FRY: variants seen among roughly 807,000 people sequenced by gnomAD.
FRY encodes protein furry homolog.
FRY carries 128 observed loss-of-function variants against 348.4 expected under a neutral mutation model. The observed-to-expected ratio is 0.37, with a 90% CI of 0.32 to 0.43. The LOEUF (loss-of-function observed/expected upper bound fraction) is 0.43, where lower values mean the gene tolerates loss of function less well. Among genes scored for constraint, FRY ranks in the 20% least tolerant of loss-of-function variants. The probability of loss-of-function intolerance (pLI) is 1.00; values close to 1 mark genes in which losing one functional copy is unlikely to be tolerated. For missense variants in FRY, 2,736 were observed against 3,695.2 expected, an observed-to-expected ratio of 0.74 and a Z score of 6.73; for synonymous variants, 1,370 against 1,374.7, an observed-to-expected ratio of 1.00 and a Z score of 0.08.
chr13:32,093,006 T>C (rs1876430077), intron 2 of FRY, among the ~76,000 whole-genome samples: 1 of 152,198 alleles, frequency 6.6e-6, no homozygotes, highest in South Asian at 2.1e-4. Flanking sequence ...TTCTAAAGAA[T>C]TTAAAACGTA....
chr13:32,218,847 C>T lies in FRY; in HGVS notation c.4765+16C>T, dbSNP rs1412787258. ...GAAGATAAAAGTAAGTACCAACAGG[C>T]TGTGGGCTTTCAGACGGAACGCAAG... On this transcript the variant is annotated intron_variant, in intron 36 of 60. Transcript: ENST00000542859. 3 of 1,463,420 alleles carry T rather than the reference C, an allele frequency of 2.0e-6. No individual in the cohort carries two copies. Among genetic ancestry groups the T allele is most frequent in the South Asian group, 2.3e-5 (2 of 88,144 alleles). The allele number at this position is 1,463,420 out of a possible 1,614,324, so 90.7% of individuals were successfully genotyped here.
intron 28 of FRY, among the ~76,000 whole-genome samples, chr13:32,187,998 G>C (rs1404157614): frequency 7.2e-5 from 11 of 152,032 alleles, no homozygotes; most frequent in Admixed American, 7.2e-4. Context: ...CCAGTGAGTT[G>C]AAGAATAAAT....
intron 36 of FRY, among the ~76,000 whole-genome samples, chr13:32,220,599 C>T (rs987330075): frequency 6.6e-6 from 1 of 152,198 alleles, no homozygotes; most frequent in Non-Finnish European, 1.5e-5. Context: ...CAAGAAAAGT[C>T]TGGTTACTGT....
intron 58 of FRY, among the ~76,000 whole-genome samples, chr13:32,279,277 A>T (rs1888700219): frequency 6.6e-6 from 1 of 152,220 alleles, no homozygotes; most frequent in Admixed American, 6.5e-5. Context: ...TTCTCCATGG[A>T]AGTAGCATCT....
chr13:32,101,459 A>C (rs1190978174), intron 2 of FRY, among the ~76,000 whole-genome samples: 19 of 152,170 alleles, frequency 1.2e-4, no homozygotes. Context: ...CAAGATACTG[A>C]TTTCATTTTC....
At position 32,180,582 on chromosome 13, in the gene FRY, T is replaced by G. The variant is rs1882647886; in HGVS notation, c.2996+783T>G. 2.0e-5 allele frequency among the ~76,000 whole-genome samples: 3 copies of G among 152,178 alleles called. 1 individual carries two copies. In the South Asian group the frequency reaches 6.2e-4, roughly 31 times the overall value. ...CTTTCTTTGCCTTAATGTAACCATA[T>G]ACCTGCTTTCTGGATTCCTTATTTA... On this transcript the variant is annotated intron_variant, in intron 23 of 60. Coordinates refer to ENST00000542859, the MANE Select transcript of FRY (RefSeq NM_023037.3).
chr13:32,080,299 A>G (rs1221362044), intron 2 of FRY, among the ~76,000 whole-genome samples: 5 of 152,176 alleles, frequency 3.3e-5, no homozygotes, highest in African/African-American at 1.2e-4. Context: ...ACTACTAATA[A>G]TAGCTGATAT....
intron 7 of FRY, among the ~76,000 whole-genome samples, chr13:32,127,291 A>G (rs1220936970): frequency 6.6e-6 from 1 of 152,222 alleles, no homozygotes; most frequent in Non-Finnish European, 1.5e-5. Flanking sequence ...TGTGAATTTT[A>G]TAGTATACCA....
intron 58 of FRY, among the ~76,000 whole-genome samples, chr13:32,286,747 CAAAAAAAAAAAAAAAAAAAAAA>C (rs6144991): frequency 2.3e-4 from 18 of 77,514 alleles, no homozygotes; most frequent in African/African-American, 9.8e-4. Flanking sequence ...GACTCTGTCT[CAAAAAAAAAAAAAAAAAAAAAA>C]AAAAAAAAAA....
rs377058192 is a variant in FRY, at chr13:32,187,527, G to C, written c.3481-19G>C. 4.9e-6 allele frequency: 7 copies of C among 1,415,482 alleles called. No individual in the cohort carries two copies. Among genetic ancestry groups the C allele is most frequent in the Non-Finnish European group, 7.0e-6 (7 of 998,546 alleles). The allele number at this position is 1,415,482 out of a possible 1,614,324, so 87.7% of individuals were successfully genotyped here. On this transcript the variant is annotated intron_variant, in intron 27 of 60. Transcript: ENST00000542859. ...ATTCCAAGTTTCATTTCCATGTCTT[G>C]TTGTGTTTTTATCATCAGGCAATGT...
chr13:32,229,835 A>T (rs778979374), intron 40 of FRY, among the ~76,000 whole-genome samples: 4 of 152,220 alleles, frequency 2.6e-5, no homozygotes, highest in Non-Finnish European at 5.9e-5. Flanking sequence ...CTAAATCTTT[A>T]TTTCACTTAA....
intron 3 of FRY, among the ~76,000 whole-genome samples, chr13:32,115,986 AT>A (rs1433552747): frequency 5.9e-5 from 9 of 151,966 alleles, no homozygotes; most frequent in African/African-American, 2.2e-4. Flanking sequence ...ATATTTTTAT[AT>A]TTATATTAAA....
chr13:32,080,618 G>C (rs1875414551), intron 2 of FRY, among the ~76,000 whole-genome samples: 1 of 152,176 alleles, frequency 6.6e-6, no homozygotes, highest in Non-Finnish European at 1.5e-5. Context: ...TGTAACTTGA[G>C]TCAGCCACCT....
chr13:32,291,873 A>G (rs1889384447), intron 59 of FRY: 2 of 356,166 alleles, frequency 5.6e-6, no homozygotes, highest in Admixed American at 5.9e-5. Flanking sequence ...AACTAGAATT[A>G]GAAGTAGAAC....
chr13:32,118,050 C>G (rs1015974242), intron 4 of FRY, among the ~76,000 whole-genome samples: 5 of 152,100 alleles, frequency 3.3e-5, no homozygotes, highest in Non-Finnish European at 5.9e-5. Context: ...ATTCTCTGTT[C>G]CCTTCTTCCT....
chr13:32,237,601 A>T lies in FRY; in HGVS notation c.6033A>T (p.Gln2011His). ...TGGACAGAATTCAGGCTTGTACCCAACAAGGCCTCTCCTCAAAAACCAGAA... is the reference window on the plus strand; with the variant it reads ...TGGACAGAATTCAGGCTTGTACCCATCAAGGCCTCTCCTCAAAAACCAGAA... The part of the protein sequence containing the change: ...ATLDRIQACT[Q>H]QGLSSKTRSS... Residue 2011 changes from glutamine to histidine, a missense_variant, in exon 44 of 61, where the codon CAA (glutamine) becomes CAT (histidine). Transcript: ENST00000542859. This position sits in a 1 kb window ranked among gnomAD's most constrained non-coding sequence, Gnocchi z 6.3. 6.2e-7 allele frequency: 1 copy of T among 1,614,112 alleles called. No homozygotes were observed.
At chr13:32,038,937 T>C (rs892067767) in intron 1 of FRY, among the ~76,000 whole-genome samples, 1 of 152,208 alleles carries the variant, frequency 6.6e-6, no homozygotes, top group African/African-American at 2.4e-5. Flanking sequence ...GGATCCTTCA[T>C]CCAGGCTCTC....
intron 41 of FRY, 107 bp from the exon 42 acceptor site, chr13:32,234,467 A>G: frequency 1.0e-6 from 1 of 957,306 alleles, no homozygotes; most frequent in South Asian, 1.3e-5. Context: ...AAGTACCACT[A>G]CAAGGTAGCC....
Position 32,244,137 on chromosome 13 carries a change from A to G in FRY, c.6783A>G (p.Lys2261=), listed in dbSNP as rs1269664588. The G allele has an allele frequency of 6.2e-7, 1 of 1,613,950 alleles. No individual in the cohort carries two copies. The highest frequency in any genetic ancestry group is 1.7e-5 in the Admixed American group (1 of 60,022). ...TGGACCTTTCTGTCGTTCCTGTCAAACAGTTCAATGTGGAAGTTCTGAAGA... is the reference window on the plus strand; with the variant it reads ...TGGACCTTTCTGTCGTTCCTGTCAAGCAGTTCAATGTGGAAGTTCTGAAGA... ...SYMDLSVVPV[K]QFNVEVLKTI... The change falls in exon 47 of 61, where the codon AAA becomes AAG. Residue 2261 remains lysine (K), a synonymous_variant. Coordinates refer to ENST00000542859, the MANE Select transcript of FRY (RefSeq NM_023037.3).
Sources: allele counts gnomAD v4.1 joint callset (sites outside exome capture counted in the v4.1 genomes callset), GRCh38; gene constraint gnomAD v4.1.1; non-coding constraint Gnocchi (gnomAD v3.1); transcripts MANE v1.5; gene names NCBI Gene and HGNC (gene_info 2026-07-23, HGNC 2026-07-21).